Variants in MROH7 observed in about 807,000 individuals in gnomAD.
The protein encoded by MROH7 is maestro heat like repeat family member 7.
Under a neutral mutation model 129.2 loss-of-function variants are expected in MROH7, and 113 were observed. The observed-to-expected ratio is 0.87, with a 90% CI of 0.75 to 1.02. The LOEUF is 1.02. Ranked by LOEUF, MROH7 falls within the 50% of genes least tolerant of loss-of-function variation. MROH7 has a pLI of 0.00. For missense variants in MROH7, 1,601 were observed against 1,671.3 expected, an observed-to-expected ratio of 0.96 and a Z score of 0.73; for synonymous variants, 655 against 667.9, an observed-to-expected ratio of 0.98 and a Z score of 0.30.
At chr1:54,672,168 A>G (rs1644912606) in intron 7 of MROH7, among the ~76,000 whole-genome samples, 1 of 151,942 alleles carries the variant, frequency 6.6e-6, no homozygotes, top group African/African-American at 2.4e-5. Flanking sequence ...GGTGACTGAA[A>G]AAAGGAGGCC....
chr1:54,670,776 C>A (rs1402769349), intron 6 of MROH7, 24 bp from the exon 7 acceptor site: 1 of 1,606,772 alleles, frequency 6.2e-7, no homozygotes, highest in Non-Finnish European at 8.5e-7. Flanking sequence ...CACTCCATTT[C>A]TTTGCTTTCT....
intron 1 of MROH7, among the ~76,000 whole-genome samples, chr1:54,649,425 G>A (rs1010581435): frequency 3.3e-5 from 5 of 152,242 alleles, no homozygotes; most frequent in African/African-American, 4.8e-5. Flanking sequence ...CAAGAGCCAC[G>A]GCTCCTCCTA....
intron 1 of MROH7, among the ~76,000 whole-genome samples, chr1:54,650,716 C>T (rs1014029086): frequency 1.3e-5 from 2 of 150,614 alleles, no homozygotes; most frequent in Admixed American, 6.6e-5. Flanking sequence ...GCATGTTGAT[C>T]GCCATCCCGA....
chr1:54,665,859 T>C (rs1418662906), intron 4 of MROH7: 1 of 152,852 alleles, frequency 6.5e-6, no homozygotes, highest in Admixed American at 6.5e-5. Context: ...TGCAGGCTGC[T>C]TCAGGGCCAA....
chr1:54,658,809 G>A (rs1644686931), intron 3 of MROH7, among the ~76,000 whole-genome samples: 1 of 152,048 alleles, frequency 6.6e-6, no homozygotes. Context: ...GTGGGGATGG[G>A]GGTGCTGTTC....
At chr1:54,679,650 A>G (rs1645037491) in intron 12 of MROH7, among the ~76,000 whole-genome samples, 1 of 152,062 alleles carries the variant, frequency 6.6e-6, no homozygotes, top group Non-Finnish European at 1.5e-5. Context: ...AGCTCAACTG[A>G]CTTGGTGGTG....
At chr1:54,687,223 G>A (rs1196138783) in intron 15 of MROH7, among the ~76,000 whole-genome samples, 1 of 152,142 alleles carries the variant, frequency 6.6e-6, no homozygotes, top group Non-Finnish European at 1.5e-5. Context: ...ACCAGCATCT[G>A]CCACCATGCC....
At chr1:54,649,576 C>T (rs1644524385) in intron 1 of MROH7, among the ~76,000 whole-genome samples, 1 of 152,262 alleles carries the variant, frequency 6.6e-6, no homozygotes, top group Admixed American at 6.5e-5. Context: ...CTGTGGCCTT[C>T]TGCCCAGTGA....
In MROH7 at chr1:54,653,027, T is replaced by G. The variant is rs1206330469; in HGVS notation, c.101T>G (p.Ile34Ser). The stretch of plus-strand genomic sequence containing the variant: ...GCCCCGGGATTAGGGTCTGGTACCA[T>G]CCCTCAGCCCCACCCAGACATGGCT... ...CGAPGLGSGT[I>S]PQPHPDMAQV... The change falls in exon 3 of 24, where the codon ATC becomes AGC. Residue 34 changes from isoleucine to serine, a missense_variant. By Grantham distance (142) the Ile-to-Ser change is moderately radical (BLOSUM62 -2). Transcript: ENST00000421030. 1 of 1,614,094 alleles carries G rather than the reference T, an allele frequency of 6.2e-7. No homozygotes were observed. Among genetic ancestry groups the G allele is most frequent in the Non-Finnish European group, 8.5e-7 (1 of 1,180,000 alleles).
intron 6 of MROH7, 99 bp downstream of exon 6, chr1:54,670,675 CCA>C: frequency 7.7e-7 from 1 of 1,305,024 alleles, no homozygotes; most frequent in South Asian, 1.4e-5. Flanking sequence ...CAACCCGCCC[CCA>C]CCCCTCGCCC....
At chr1:54,684,060 C>G (rs558988908) in intron 14 of MROH7, among the ~76,000 whole-genome samples, 4 of 152,320 alleles carry the variant, frequency 2.6e-5, no homozygotes, top group Non-Finnish European at 5.9e-5. Flanking sequence ...ATAGTAAGCA[C>G]TCAGAAATGT....
At position 54,662,798 on chromosome 1, in the gene MROH7, C is replaced by T. The variant is rs186768070; in HGVS notation, c.1232-2369C>T. 1.9e-3 allele frequency among the ~76,000 whole-genome samples: 296 copies of T among 152,272 alleles called. 1 individual carries two copies. Among genetic ancestry groups the T allele is most frequent in the Middle Eastern group, 0.017 (5 of 294 alleles). ...ATCCAGTTCAGAACCACTCATTGTA[C>T]GTTTTTTCTAGTCTGATCTGTCTCC... On this transcript the variant is annotated intron_variant, in intron 3 of 23. Transcript: ENST00000421030.
chr1:54,672,621 G>A (rs598130), intron 7 of MROH7, among the ~76,000 whole-genome samples: 39,088 of 152,016 alleles, frequency 0.26, 5,116 homozygotes, highest in South Asian at 0.44. Flanking sequence ...GATGATGAAA[G>A]TAAGATTGGC....
intron 18 of MROH7, 137 bp from the exon 19 acceptor site, chr1:54,701,006 G>A: frequency 1.1e-6 from 1 of 898,506 alleles, no homozygotes; most frequent in Non-Finnish European, 1.7e-6. Context: ...GGTATTCCAG[G>A]CAGGTGGGAT....
chr1:54,699,158 C>CTTTCTTTCTTTCTTTCTTTCT, intron 17 of MROH7: 1 of 67,950 alleles, frequency 1.5e-5, no homozygotes, highest in East Asian at 5.0e-4. Context: ...TTCTTTCTTT[C>CTTTCTTTCTTTCTTTCTTTCT]TTTTCTTTCT....
At chr1:54,679,758 CCT>C (rs1645038981) in intron 12 of MROH7, 131 bp from the exon 13 acceptor site, 23 of 870,776 alleles carry the variant, frequency 2.6e-5, no homozygotes, top group Non-Finnish European at 3.4e-5. Context: ...CTTGCCTCTT[CCT>C]CTCTCTCTCC....
intron 2 of MROH7, among the ~76,000 whole-genome samples, chr1:54,652,652 G>A (rs777485914): frequency 5.9e-5 from 9 of 152,224 alleles, no homozygotes; most frequent in African/African-American, 9.7e-5. Context: ...CATGAGCCAG[G>A]AGGGAGCAGG....
intron 1 of MROH7, among the ~76,000 whole-genome samples, chr1:54,646,527 C>T (rs1644469947): frequency 6.6e-6 from 1 of 152,148 alleles, no homozygotes; most frequent in South Asian, 2.1e-4. Context: ...GCCTTCTTTC[C>T]AGCCATCAGA....
Position 54,709,087 on chromosome 1 carries a change from C to G in MROH7, c.3730+11C>G. 6.2e-7 allele frequency: 1 copy of G among 1,613,788 alleles called. No individual in the cohort carries two copies. On this transcript the variant is annotated intron_variant, in intron 23 of 23. Transcript: ENST00000421030. ...ATGAAGTGAAAGCTGGTAAGTCATG[C>G]CCCGCATTGGTGAAATTTCAGGGGA...
Sources: gnomAD v4.1 joint callset for allele counts (sites outside exome capture counted in the v4.1 genomes callset) on GRCh38, gnomAD v4.1.1 for gene constraint, MANE v1.5 for transcripts, NCBI Gene and HGNC (gene_info 2026-07-23, HGNC 2026-07-21) for gene names.